The following TMEM120B variants were observed in gnomAD, a reference collection of about 807,000 sequenced individuals.
TMEM120B encodes the protein transmembrane protein 120B.
Under a neutral mutation model 55.5 loss-of-function variants are expected in TMEM120B, and 31 were observed. The observed-to-expected ratio is 0.56, with a 90% CI of 0.42 to 0.75. TMEM120B has a LOEUF of 0.75. TMEM120B is among the 30% of genes least tolerant of loss of function. The pLI is 0.00. For synonymous variants in TMEM120B, 203 were observed against 176.3 expected, an observed-to-expected ratio of 1.15 and a Z score of -1.20; for missense variants, 399 against 425.5, an observed-to-expected ratio of 0.94 and a Z score of 0.55.
At chr12:121,732,339 A>C (rs922394743) in intron 1 of TMEM120B, among the ~76,000 whole-genome samples, 5 of 152,132 alleles carry the variant, frequency 3.3e-5, no homozygotes, top group African/African-American at 1.2e-4. Flanking sequence ...CGTGGCTGGC[A>C]AATCCTGAGC....
chr12:121,771,289 G>A (rs752274723), intron 7 of TMEM120B, among the ~76,000 whole-genome samples, 199 bp from the exon 8 acceptor site: 13 of 152,128 alleles, frequency 8.5e-5, no homozygotes, highest in Admixed American at 2.0e-4. Context: ...GCTTCTGCAC[G>A]GCCATGTGGA....
At chr12:121,738,637 C>A (rs373236397) in intron 1 of TMEM120B, among the ~76,000 whole-genome samples, 5 of 152,314 alleles carry the variant, frequency 3.3e-5, no homozygotes, top group African/African-American at 1.2e-4. Context: ...CAGCCTTTCT[C>A]CACACAGATA....
chr12:121,737,477 C>T (rs1872781636), intron 1 of TMEM120B, among the ~76,000 whole-genome samples: 2 of 151,406 alleles, frequency 1.3e-5, no homozygotes. Context: ...TGCACTCCAG[C>T]GTGGGTGACA....
chr12:121,754,238 C>A (rs1378459359), intron 5 of TMEM120B, among the ~76,000 whole-genome samples: 4 of 151,428 alleles, frequency 2.6e-5, no homozygotes, highest in East Asian at 1.9e-4. Flanking sequence ...CTGTACTACT[C>A]CTCATGTGCC....
intron 6 of TMEM120B, among the ~76,000 whole-genome samples, chr12:121,769,124 CA>C (rs1324719731): frequency 8.4e-5 from 11 of 130,930 alleles, no homozygotes; most frequent in African/African-American, 2.9e-4. Context: ...CCAGCCTGGG[CA>C]ATAGAGCAAG....
chr12:121,754,207 G>A lies in TMEM120B; in HGVS notation c.461+1984G>A, dbSNP rs530260182. Among the ~76,000 whole-genome samples, 7 of 152,322 alleles carry A rather than the reference G, an allele frequency of 4.6e-5. No individual in the cohort carries two copies. In the South Asian group the frequency reaches 1.2e-3, roughly 27 times the overall value. On this transcript the variant is annotated intron_variant, in intron 5 of 11. Transcript: ENST00000449592. ...TGCCCAGAGCCTGGCCTGTTTCCAC[G>A]AGGGCAAAGGCTGCACACATCTGTA...
In TMEM120B at chr12:121,779,759, G is replaced by T; in HGVS notation, c.*4037G>T. ...GGACTGGCTCTGAGGACTCTGCAGG[G>T]ATGGAGGCCTTGGTTTGGGCCTGTC... On this transcript the variant is annotated 3_prime_UTR_variant, in exon 12 of 12. Coordinates refer to ENST00000449592, the MANE Select transcript of TMEM120B (RefSeq NM_001080825.2). The T allele has an allele frequency of 7.6e-7, 1 of 1,320,192 alleles. No individual in the cohort carries two copies. Among genetic ancestry groups the T allele is most frequent in the Non-Finnish European group, 1.1e-6 (1 of 947,830 alleles). 81.8% of individuals were successfully genotyped at this position (1,320,192 alleles called of 1,614,324 possible). A position where few individuals can be genotyped will look rare whatever the true frequency, so the allele number is the denominator to read the frequency against.
At chr12:121,749,792 G>A (rs1873215757) in intron 3 of TMEM120B, among the ~76,000 whole-genome samples, 1 of 151,948 alleles carries the variant, frequency 6.6e-6, no homozygotes, top group South Asian at 2.1e-4. Flanking sequence ...TGTAATCCCA[G>A]CTACTTGGGA....
chr12:121,718,119 AATAATC>A (rs939811400), intron 1 of TMEM120B, among the ~76,000 whole-genome samples: 2 of 152,164 alleles, frequency 1.3e-5, no homozygotes, highest in African/African-American at 4.8e-5. Context: ...TGACAATAAT[AATAATC>A]ATAACAACAA....
chr12:121,715,809 A>C (rs1312865934), intron 1 of TMEM120B, among the ~76,000 whole-genome samples: 1 of 151,978 alleles, frequency 6.6e-6, no homozygotes, highest in Non-Finnish European at 1.5e-5. Context: ...CGGGGGCCAC[A>C]CAGCTAGTTA....
At chr12:121,738,569 G>A (rs1051272785) in intron 1 of TMEM120B, among the ~76,000 whole-genome samples, 10 of 152,258 alleles carry the variant, frequency 6.6e-5, no homozygotes, top group African/African-American at 2.4e-4. Context: ...TTACCAGCAG[G>A]TATTTGTTGG....
At chr12:121,772,049 C>A (rs570814175) in intron 8 of TMEM120B, among the ~76,000 whole-genome samples, 2 of 151,502 alleles carry the variant, frequency 1.3e-5, no homozygotes, top group South Asian at 4.2e-4. Flanking sequence ...CTCTTTCTTT[C>A]TTTCTTTTTC....
intron 1 of TMEM120B, among the ~76,000 whole-genome samples, chr12:121,714,233 A>G (rs1306982890): frequency 6.6e-6 from 1 of 152,012 alleles, no homozygotes; most frequent in Non-Finnish European, 1.5e-5. Context: ...TCCCACGGAG[A>G]AGACTCAGCC....
chr12:121,756,312 A>C (rs1400794060), intron 5 of TMEM120B, among the ~76,000 whole-genome samples: 4 of 152,188 alleles, frequency 2.6e-5, no homozygotes, highest in African/African-American at 9.6e-5. Context: ...AGCCTGGGCA[A>C]CATGGCGAAA....
intron 1 of TMEM120B, among the ~76,000 whole-genome samples, chr12:121,723,922 T>C (rs144962724): frequency 6.6e-6 from 1 of 152,016 alleles, no homozygotes; most frequent in African/African-American, 2.4e-5. Context: ...TGTCTCAGTC[T>C]CGCAAGTAGC....
chr12:121,773,354 A>C (rs1345750836), intron 8 of TMEM120B, 67 bp from the exon 9 acceptor site: 3 of 1,441,906 alleles, frequency 2.1e-6, no homozygotes, highest in Non-Finnish European at 2.9e-6. Context: ...TGCTTGGGGC[A>C]GAGAGGTGTG....
Position 121,716,995 on chromosome 12 carries a change from G to T in TMEM120B, c.69+4031G>T, listed in dbSNP as rs1894715415. On this transcript the variant is annotated intron_variant, in intron 1 of 11. Coordinates refer to ENST00000449592, the MANE Select transcript of TMEM120B (RefSeq NM_001080825.2). ...ATCTCTGGGACTGAGGAGAGGAAAGGATCAGTTTTCTTTGGACTGTGATTT... is the reference window on the plus strand; with the variant it reads ...ATCTCTGGGACTGAGGAGAGGAAAGTATCAGTTTTCTTTGGACTGTGATTT... Among the ~76,000 whole-genome samples, 3 of 152,200 alleles carry T rather than the reference G, an allele frequency of 2.0e-5. 1 individual carries two copies. The South Asian group carries it at 6.2e-4, about 32-fold the overall frequency.
At chr12:121,766,589 A>G (rs1873858631) in intron 6 of TMEM120B, among the ~76,000 whole-genome samples, 1 of 152,104 alleles carries the variant, frequency 6.6e-6, no homozygotes, top group Non-Finnish European at 1.5e-5. Context: ...TGGGTGACCT[A>G]CTGATCTCTG....
intron 1 of TMEM120B, among the ~76,000 whole-genome samples, chr12:121,738,547 T>C (rs554695642): frequency 1.6e-4 from 25 of 152,282 alleles, no homozygotes; most frequent in Middle Eastern, 6.8e-3. Flanking sequence ...CTGTCCTCCT[T>C]GTCTGGGTTC....
Sources: gnomAD v4.1 joint callset for allele counts (sites outside exome capture counted in the v4.1 genomes callset) on GRCh38, gnomAD v4.1.1 for gene constraint, MANE v1.5 for transcripts, NCBI Gene and HGNC (gene_info 2026-07-23, HGNC 2026-07-21) for gene names.